The following ADGRA1 variants were observed in gnomAD, a reference collection of about 807,000 sequenced individuals.
ADGRA1 encodes the protein adhesion G protein-coupled receptor A1, also known as G-protein coupled receptor 123.
ADGRA1 carries 12 observed loss-of-function variants against 21.3 expected under a neutral mutation model. That is an observed-to-expected ratio of 0.56 (90% confidence interval 0.36 to 0.91). The LOEUF is 0.91. Ranked by LOEUF, ADGRA1 falls within the 40% of genes least tolerant of loss-of-function variation. The pLI, the probability that ADGRA1 is intolerant of heterozygous loss-of-function variation, is 0.01. For missense variants in ADGRA1, 790 were observed against 805.6 expected, an observed-to-expected ratio of 0.98 and a Z score of 0.23; for synonymous variants, 385 against 368.8, an observed-to-expected ratio of 1.04 and a Z score of -0.50.
chr10:133,095,927 T>G (rs527737869), intron 2 of ADGRA1: 1 of 1,116,592 alleles, frequency 9.0e-7, no homozygotes, highest in African/African-American at 1.6e-5. Flanking sequence ...GTGGTCAGAG[T>G]GGCTGGAGCC....
rs1227796048 is a variant in ADGRA1 at position 133,088,866 on chromosome 10, G to A, written c.-44G>A. 4.8e-6 allele frequency: 6 copies of A among 1,237,758 alleles called. No individual in the cohort carries two copies. In the African/African-American group the frequency reaches 6.2e-5, roughly 13 times the overall value. The allele number at this position is 1,237,758 out of a possible 1,614,324, so 76.7% of individuals were successfully genotyped here. A position where few individuals can be genotyped will look rare whatever the true frequency, so the allele number is the denominator to read the frequency against. On this transcript the variant is annotated 5_prime_UTR_variant, in exon 2 of 7. Transcript: ENST00000392607. ...GCCACCTGATCGCCTCCCCCTGGAC[G>A]CCTCCTCCAGCGGCGCTCACGCTTC...
chr10:133,095,913 T>C, intron 2 of ADGRA1: 2 of 1,193,836 alleles, frequency 1.7e-6, no homozygotes, highest in Non-Finnish European at 2.3e-6. Flanking sequence ...GCAGCATCCA[T>C]GGCGTGGTCA....
chr10:133,125,709 G>A (rs1344646559), intron 5 of ADGRA1, among the ~76,000 whole-genome samples: 3 of 152,270 alleles, frequency 2.0e-5, no homozygotes, highest in Admixed American at 6.5e-5. Context: ...GATTACAGGC[G>A]TGAGCCACCG....
intron 5 of ADGRA1, among the ~76,000 whole-genome samples, chr10:133,112,279 G>C (rs1023283774): frequency 2.6e-5 from 4 of 152,222 alleles, no homozygotes; most frequent in Admixed American, 6.5e-5. Context: ...TTCTGATCAA[G>C]TGCACCAAGC....
intron 5 of ADGRA1, among the ~76,000 whole-genome samples, chr10:133,115,007 C>T (rs1469143787): frequency 2.0e-5 from 3 of 152,174 alleles, no homozygotes; most frequent in Non-Finnish European, 4.4e-5. Context: ...GGGGCCGCAA[C>T]TCCATGAGTG....
intron 5 of ADGRA1, among the ~76,000 whole-genome samples, chr10:133,110,192 C>A (rs12358577): frequency 0.019 from 2,911 of 152,384 alleles, 39 homozygotes; most frequent in Non-Finnish European, 0.027. Flanking sequence ...CCACACGGAA[C>A]CTGCTCCTTC....
Position 133,128,424 on chromosome 10 carries a change from T to G in ADGRA1, c.596T>G (p.Val199Gly). The G allele has an allele frequency of 1.2e-6, 2 of 1,606,700 alleles. No individual in the cohort carries two copies. Among genetic ancestry groups the G allele is most frequent in the Non-Finnish European group, 1.7e-6 (2 of 1,177,470 alleles). The change falls in exon 7 of 7, where the codon GTG becomes GGG. Residue 199 changes from valine (V) to glycine (G), a missense_variant. This residue lies in a region of ADGRA1 where 382 missense variants were observed against 415.6 expected (regional missense o/e 0.92). Coordinates refer to ENST00000392607, the MANE Select transcript of ADGRA1 (RefSeq NM_001083909.3). ...TGTGTGTACTTCCTGGGCACCTACGTGCAGCTGCGGCGCCACCCAGGGCGC... is the reference window on the plus strand; with the variant it reads ...TGTGTGTACTTCCTGGGCACCTACGGGCAGCTGCGGCGCCACCCAGGGCGC... ...VTCVYFLGTY[V>G]QLRRHPGRRY...
intron 6 of ADGRA1, among the ~76,000 whole-genome samples, chr10:133,127,708 G>A (rs374076848): frequency 3.4e-4 from 51 of 152,038 alleles, no homozygotes; most frequent in African/African-American, 1.1e-3. Context: ...CTCATTCAGG[G>A]CCCTCAGTTC....
intron 5 of ADGRA1, among the ~76,000 whole-genome samples, chr10:133,103,901 TCC>T (rs924773128): frequency 3.0e-4 from 45 of 152,192 alleles, no homozygotes; most frequent in Non-Finnish European, 5.9e-4. Context: ...CCTCTGGGGT[TCC>T]CTGGGGCTCC....
At chr10:133,121,998 A>G (rs1852278144) in intron 5 of ADGRA1, among the ~76,000 whole-genome samples, 1 of 148,686 alleles carries the variant, frequency 6.7e-6, no homozygotes, top group Admixed American at 6.7e-5. Flanking sequence ...TGTGTGTGTG[A>G]TGGGTGCCAG....
intron 2 of ADGRA1, among the ~76,000 whole-genome samples, chr10:133,095,175 C>A (rs117123839): frequency 6.6e-6 from 1 of 152,118 alleles, no homozygotes; most frequent in African/African-American, 2.4e-5. Flanking sequence ...GAGCTCGGAC[C>A]GGACACTCAC....
intron 5 of ADGRA1, among the ~76,000 whole-genome samples, chr10:133,119,388 G>T (rs1219472771): frequency 6.6e-6 from 1 of 152,190 alleles, no homozygotes; most frequent in Non-Finnish European, 1.5e-5. Flanking sequence ...GGGCGGCTGT[G>T]GCAGTTTCTT....
In ADGRA1 at chr10:133,129,521, G is replaced by A; in HGVS notation, c.*10G>A. 2.5e-6 allele frequency: 4 copies of A among 1,576,550 alleles called. No homozygotes were observed. Among genetic ancestry groups the A allele is most frequent in the Non-Finnish European group, 3.4e-6 (4 of 1,166,874 alleles). ...CGAAACTACTGTGTAGATGGGGGCAGAGGACACGGTGTTCCTGGAGGAGCT... is the reference window on the plus strand; with the variant it reads ...CGAAACTACTGTGTAGATGGGGGCAAAGGACACGGTGTTCCTGGAGGAGCT... On this transcript the variant is annotated 3_prime_UTR_variant, in exon 7 of 7. Coordinates refer to ENST00000392607, the MANE Select transcript of ADGRA1 (RefSeq NM_001083909.3).
intron 2 of ADGRA1, chr10:133,095,915 G>T: frequency 8.3e-7 from 1 of 1,202,546 alleles, no homozygotes; most frequent in South Asian, 1.6e-5. Context: ...AGCATCCATG[G>T]CGTGGTCAGA....
chr10:133,124,529 G>A (rs868641980), intron 5 of ADGRA1, among the ~76,000 whole-genome samples: 5 of 152,254 alleles, frequency 3.3e-5, no homozygotes, highest in Admixed American at 2.6e-4. Context: ...CTGCCCCAAC[G>A]CTGGGCACCT....
At chr10:133,122,696 A>C (rs1852294826) in intron 5 of ADGRA1, among the ~76,000 whole-genome samples, 1 of 152,196 alleles carries the variant, frequency 6.6e-6, no homozygotes, top group African/African-American at 2.4e-5. Flanking sequence ...AACTGTGGTC[A>C]CGACCCGCGG....
chr10:133,105,833 G>A (rs1379079491), intron 5 of ADGRA1, among the ~76,000 whole-genome samples: 1 of 152,222 alleles, frequency 6.6e-6, no homozygotes, highest in African/African-American at 2.4e-5. Flanking sequence ...GAAGCCAGCA[G>A]CCTCTGCGGC....
intron 5 of ADGRA1, among the ~76,000 whole-genome samples, chr10:133,111,851 G>GACCACCTGCCCACCACAGA (rs1852021759): frequency 8.9e-6 from 1 of 111,922 alleles, no homozygotes; most frequent in Non-Finnish European, 2.0e-5. Context: ...CCCACCACGG[G>GACCACCTGCCCACCACAGA]CACCTCCCTC....
chr10:133,128,623 G>T lies in ADGRA1; in HGVS notation c.795G>T (p.Leu265=), dbSNP rs531947051. 62 of 1,606,184 alleles carry T rather than the reference G, an allele frequency of 3.9e-5. No homozygotes were observed. The South Asian group carries it at 6.8e-4, about 17-fold the overall frequency. ...GCGCCGCCGCCTTCACGCTGTTCCT[G>T]TTCACGGCCACGTGGGCCTTCGGGG... ...QLRAAAFTLF[L]FTATWAFGAL... Residue 265 remains leucine (L), a synonymous_variant, in exon 7 of 7, where the codon CTG becomes CTT. Transcript: ENST00000392607.
Sources: gnomAD v4.1 joint callset for allele counts (sites outside exome capture counted in the v4.1 genomes callset) on GRCh38, gnomAD v4.1.1 for gene constraint, gnomAD v4.1.1 regional missense constraint, MANE v1.5 for transcripts, NCBI Gene and HGNC (gene_info 2026-07-23, HGNC 2026-07-21) for gene names.